SLC9B1: variants seen among roughly 807,000 people sequenced by gnomAD.
SLC9B1 encodes solute carrier family 9 member B1.
SLC9B1 carries 32 observed loss-of-function variants against 51.7 expected under a neutral mutation model. That is an observed-to-expected ratio of 0.62 (90% CI 0.47 to 0.83). SLC9B1 has a LOEUF of 0.83. SLC9B1 is among the 40% of genes least tolerant of loss of function. The pLI is 0.00. For missense variants in SLC9B1, 406 were observed against 613.2 expected, an observed-to-expected ratio of 0.66 and a Z score of 3.57; for synonymous variants, 145 against 212.7, an observed-to-expected ratio of 0.68 and a Z score of 2.77.
intron 6 of SLC9B1, among the ~76,000 whole-genome samples, chr4:102,936,450 C>A (rs943675262): frequency 6.6e-6 from 1 of 152,052 alleles, no homozygotes; most frequent in Admixed American, 6.5e-5. Flanking sequence ...TGGATAGAAA[C>A]AAAGATCATT....
chr4:102,931,929 T>C (rs189453736), intron 7 of SLC9B1, among the ~76,000 whole-genome samples, 195 bp downstream of exon 7: 3 of 152,370 alleles, frequency 2.0e-5, no homozygotes. Context: ...AATGAGATCA[T>C]GTGTGTTAAG....
At chr4:102,925,355 G>A (rs1304601347) in intron 7 of SLC9B1, among the ~76,000 whole-genome samples, 1 of 152,154 alleles carries the variant, frequency 6.6e-6, no homozygotes, top group Non-Finnish European at 1.5e-5. Context: ...ATTGAACAAT[G>A]AGAACACTTG....
Position 102,932,232 on chromosome 4 carries a change from A to G in SLC9B1, c.721T>C (p.Tyr241His), listed in dbSNP as rs766186441. The change falls in exon 7 of 12, where the codon TAT (tyrosine) becomes CAT (histidine). Residue 241 changes from tyrosine (Y) to histidine (H), a missense_variant. By Grantham distance (83) the Tyr-to-His change is moderately conservative. Coordinates refer to ENST00000296422, the MANE Select transcript of SLC9B1 (RefSeq NM_139173.4). ...GTTGGAATGCCTTCCTCAACACCAT[A>G]TCCATTTTCTTGCAGCACCATCATG... ...PYMMVLQENG[Y>H]GVEEGIPTLL... The G allele has an allele frequency of 1.9e-6, 3 of 1,611,792 alleles. No individual in the cohort carries two copies. Among genetic ancestry groups the G allele is most frequent in the African/African-American group, 2.7e-5 (2 of 74,856 alleles).
At chr4:103,008,419 CTACTTTTTTT>C (rs1317091723) in intron 1 of SLC9B1, among the ~76,000 whole-genome samples, 5 of 118,196 alleles carry the variant, frequency 4.2e-5, no homozygotes, top group Admixed American at 2.7e-4. Flanking sequence ...TTTTCATTTG[CTACTTTTTTT>C]TTTTTTTTTG....
At chr4:102,951,786 A>C (rs1737570594) in intron 3 of SLC9B1, among the ~76,000 whole-genome samples, 1 of 151,902 alleles carries the variant, frequency 6.6e-6, no homozygotes, top group South Asian at 2.1e-4. Context: ...AATTGAAAGA[A>C]TGAAGAAGAT....
intron 6 of SLC9B1, among the ~76,000 whole-genome samples, chr4:102,942,628 A>G (rs1737062044): frequency 1.3e-5 from 2 of 152,246 alleles, no homozygotes; most frequent in South Asian, 4.1e-4. Flanking sequence ...AGCCATATGT[A>G]GAAGAATGAA....
intron 6 of SLC9B1, among the ~76,000 whole-genome samples, chr4:102,936,354 A>C (rs1736721617): frequency 1.3e-5 from 2 of 152,226 alleles, no homozygotes; most frequent in East Asian, 3.8e-4. Context: ...AAAAGCCAGA[A>C]TGTCTTCCTG....
chr4:102,935,466 C>G (rs1736674160), intron 6 of SLC9B1, among the ~76,000 whole-genome samples: 1 of 152,108 alleles, frequency 6.6e-6, no homozygotes, highest in Non-Finnish European at 1.5e-5. Flanking sequence ...GCATATAACC[C>G]AGGTAACTAT....
chr4:102,890,067 C>CATAAAA (rs1200782448), intron 11 of SLC9B1: 1 of 152,194 alleles, frequency 6.6e-6, no homozygotes, highest in Non-Finnish European at 1.5e-5. Context: ...ATCACTATTA[C>CATAAAA]ATAAACATCA....
chr4:102,926,395 A>G (rs375534696), intron 7 of SLC9B1, among the ~76,000 whole-genome samples: 1 of 152,300 alleles, frequency 6.6e-6, no homozygotes, highest in Admixed American at 6.5e-5. Context: ...CAACTTCAGC[A>G]AAGTCTCAGG....
intron 1 of SLC9B1, among the ~76,000 whole-genome samples, chr4:103,003,593 C>T (rs1362822905): frequency 6.6e-6 from 1 of 152,218 alleles, no homozygotes; most frequent in African/African-American, 2.4e-5. Context: ...AGCTGACACA[C>T]ATGCACCCTT....
At position 102,906,622 on chromosome 4, in the gene SLC9B1, G is replaced by A. The variant is rs753329859; in HGVS notation, c.1109C>T (p.Thr370Met). ...QEKMKVQKII[T>M]TVWDIFQPLL... Reference sequence around the variant, plus strand: ...TGGTTGAAAAATATCCCATACAGTCGTAATAATCTTTTGGACTTTCATCTA... The same window carrying A: ...TGGTTGAAAAATATCCCATACAGTCATAATAATCTTTTGGACTTTCATCTA... Residue 370 changes from threonine to methionine, a missense_variant, in exon 10 of 12, where the codon ACG (threonine) becomes ATG (methionine). Around this residue, in one of 6 missense-constraint regions of SLC9B1, gnomAD observed 250 missense variants for 394.1 expected, o/e 0.63. Transcript: ENST00000296422. 5.6e-5 allele frequency: 89 copies of A among 1,582,718 alleles called. No individual in the cohort carries two copies. The highest frequency in any genetic ancestry group is 4.9e-4 in the Admixed American group (29 of 59,416).
chr4:102,919,075 A>G (rs1391647975), intron 7 of SLC9B1, among the ~76,000 whole-genome samples: 1 of 152,134 alleles, frequency 6.6e-6, no homozygotes, highest in African/African-American at 2.4e-5. Flanking sequence ...CTGGCCCACA[A>G]AACCATTTTT....
chr4:102,904,568 G>A (rs1277159710), intron 11 of SLC9B1, among the ~76,000 whole-genome samples: 1 of 152,024 alleles, frequency 6.6e-6, no homozygotes, highest in Non-Finnish European at 1.5e-5. Flanking sequence ...CATTGGCTGG[G>A]CCCAGTGGGT....
intron 3 of SLC9B1, among the ~76,000 whole-genome samples, chr4:102,949,633 C>G (rs372501993): frequency 6.6e-6 from 1 of 152,114 alleles, no homozygotes; most frequent in African/African-American, 2.4e-5. Context: ...AAGTAGGTTT[C>G]AAACAAAGTG....
At chr4:102,968,761 G>C (rs1323254856) in intron 3 of SLC9B1, among the ~76,000 whole-genome samples, 2 of 152,198 alleles carry the variant, frequency 1.3e-5, no homozygotes, top group Non-Finnish European at 2.9e-5. Context: ...AAGGGGTCGG[G>C]GGATTTCCCT....
chr4:102,911,407 C>T (rs58070590), intron 8 of SLC9B1, 24 bp downstream of exon 8: 8 of 1,504,060 alleles, frequency 5.3e-6, no homozygotes, highest in South Asian at 1.1e-5. Flanking sequence ...TACTATACTT[C>T]TATAAAATAG....
At chr4:102,943,881 A>G (rs1737141415) in intron 6 of SLC9B1, among the ~76,000 whole-genome samples, 1 of 152,156 alleles carries the variant, frequency 6.6e-6, no homozygotes, top group Non-Finnish European at 1.5e-5. Flanking sequence ...CTGTTCCTTA[A>G]AAACTAATGA....
chr4:102,981,377 T>C (rs2110510361), intron 3 of SLC9B1, among the ~76,000 whole-genome samples: 1 of 152,286 alleles, frequency 6.6e-6, no homozygotes, highest in South Asian at 2.1e-4. Flanking sequence ...TCAAGGAGTG[T>C]AATTGCTGGA....
Sources: allele counts gnomAD v4.1 joint callset (sites outside exome capture counted in the v4.1 genomes callset), GRCh38; gene constraint gnomAD v4.1.1; regional missense constraint gnomAD v4.1.1; transcripts MANE v1.5; gene names NCBI Gene and HGNC (gene_info 2026-07-23, HGNC 2026-07-21).